Variants in PRRC2C observed in about 807,000 individuals in gnomAD.
The protein encoded by PRRC2C is protein PRRC2C.
PRRC2C carries 72 observed loss-of-function variants against 317.2 expected under a neutral mutation model. The ratio of observed to expected loss-of-function variants is 0.23; its 90% CI spans 0.19 to 0.28. The LOEUF (loss-of-function observed/expected upper bound fraction) is 0.28. Among genes scored for constraint, PRRC2C ranks in the 10% least tolerant of loss-of-function variants. The probability of loss-of-function intolerance (pLI) is 1.00; values close to 1 mark genes in which losing one functional copy is unlikely to be tolerated. For synonymous variants in PRRC2C, 1,296 were observed against 1,205.9 expected (o/e 1.07, Z -1.55); for missense variants, 3,074 against 3,459.7 (o/e 0.89, Z 2.80).
At position 171,587,184 on chromosome 1, in the gene PRRC2C, C is replaced by A; in HGVS notation, c.7931C>A (p.Ala2644Asp). ...VSQPFRGLIP[A>D]GTQHSMIATT... ...CAGCCTTTCAGAGGATTAATTCCTGCTGGAACACAGCATAGCATGATTGCA... is the reference window on the plus strand; with the variant it reads ...CAGCCTTTCAGAGGATTAATTCCTGATGGAACACAGCATAGCATGATTGCA... Residue 2644 changes from alanine to aspartate, a missense_variant, in exon 31 of 35, where the codon GCT becomes GAT. Transcript: ENST00000647382. 1 of 1,608,242 alleles carries A rather than the reference C, an allele frequency of 6.2e-7. No individual in the cohort carries two copies. The highest frequency in any genetic ancestry group is 8.5e-7 in the Non-Finnish European group (1 of 1,177,248).
At chr1:171,493,950 T>C (rs930578788) in intron 1 of PRRC2C, among the ~76,000 whole-genome samples, 12 of 152,242 alleles carry the variant, frequency 7.9e-5, no homozygotes, top group Non-Finnish European at 1.6e-4. Context: ...TTAAATCTTA[T>C]AATAGTATTG....
chr1:171,519,394 G>A (rs1673125115), intron 6 of PRRC2C, among the ~76,000 whole-genome samples: 1 of 152,158 alleles, frequency 6.6e-6, no homozygotes, highest in African/African-American at 2.4e-5. Context: ...CATTCGTTGA[G>A]ATTGGTTCAT....
chr1:171,487,909 A>C (rs554989912), intron 1 of PRRC2C, among the ~76,000 whole-genome samples: 1 of 152,116 alleles, frequency 6.6e-6, no homozygotes, highest in African/African-American at 2.4e-5. Flanking sequence ...TGATATGTCT[A>C]CTTATATGCA....
Position 171,532,793 on chromosome 1 carries a change from C to T in PRRC2C, c.1705C>T (p.Leu569=), listed in dbSNP as rs760921500. Residue 569 remains leucine, a synonymous_variant, in exon 12 of 35, where the codon CTA becomes TTA. Coordinates refer to ENST00000647382, the MANE Select transcript of PRRC2C (RefSeq NM_001387844.1). ...KERKQEKEKE[L]ERQKEKEKEL... ...AAGAAAGCAAGAAAAAGAAAAAGAA[C>T]TAGAACGGCAGAAAGAAAAGGAAAA... 8 of 1,559,176 alleles carry T rather than the reference C, an allele frequency of 5.1e-6. No individual in the cohort carries two copies. Among genetic ancestry groups the T allele is most frequent in the Non-Finnish European group, 6.1e-6 (7 of 1,155,324 alleles).
chr1:171,532,010 A>G (rs528611368), intron 11 of PRRC2C, among the ~76,000 whole-genome samples: 2 of 152,332 alleles, frequency 1.3e-5, no homozygotes, highest in Non-Finnish European at 1.5e-5. Context: ...TAAAGTATCC[A>G]TGCTAAATTT....
intron 34 of PRRC2C, 198 bp from the exon 35 acceptor site, chr1:171,591,389 T>TTTAAAA: frequency 1.7e-6 from 1 of 594,944 alleles, no homozygotes; most frequent in South Asian, 4.1e-5. Context: ...TTTTTTTTTT[T>TTTAAAA]AAATCACATG....
intron 1 of PRRC2C, among the ~76,000 whole-genome samples, chr1:171,507,724 C>T (rs1670528009): frequency 6.6e-6 from 1 of 152,152 alleles, no homozygotes; most frequent in Admixed American, 6.6e-5. Context: ...GGCACTGTTC[C>T]CCTCTGATCC....
intron 15 of PRRC2C, 90 bp downstream of exon 15, chr1:171,537,563 G>GCTTCAGTCCTAA: frequency 8.7e-7 from 1 of 1,152,116 alleles, no homozygotes; most frequent in Non-Finnish European, 1.2e-6. Flanking sequence ...TCCAATTTAG[G>GCTTCAGTCCTAA]ACTGAAGCAT....
At chr1:171,590,533 T>C (rs1044592629) in intron 34 of PRRC2C, among the ~76,000 whole-genome samples, 6 of 152,242 alleles carry the variant, frequency 3.9e-5, no homozygotes, top group Non-Finnish European at 8.8e-5. Context: ...TGCTTTACTC[T>C]GAATTAGAAA....
chr1:171,558,070 T>C lies in PRRC2C; in HGVS notation c.5958T>C (p.His1986=). The change falls in exon 19 of 35, where the codon CAT becomes CAC. Residue 1986 remains histidine, a synonymous_variant. Coordinates refer to ENST00000647382, the MANE Select transcript of PRRC2C (RefSeq NM_001387844.1). ...AATCCATCCAGACCCCACAGTCACA[T>C]GGCACTCTGACAGCTGAATTATGGG... ...SGKSIQTPQS[H]GTLTAELWDN... is the part of the protein sequence containing the mutation. 6.2e-7 allele frequency: 1 copy of C among 1,613,982 alleles called. No homozygotes were observed. The highest frequency in any genetic ancestry group is 1.1e-5 in the South Asian group (1 of 91,086).
At chr1:171,487,799 A>G (rs1036858320) in intron 1 of PRRC2C, among the ~76,000 whole-genome samples, 8 of 152,202 alleles carry the variant, frequency 5.3e-5, no homozygotes, top group Admixed American at 6.5e-5. Flanking sequence ...ATATTGGTAG[A>G]AGAAAATACT....
At chr1:171,587,580 A>G in intron 31 of PRRC2C, 68 bp from the exon 32 acceptor site, 1 of 1,080,526 alleles carries the variant, frequency 9.3e-7, no homozygotes. Flanking sequence ...CACGTATAGG[A>G]CATGTAAACA....
In PRRC2C at chr1:171,583,967, C is replaced by T; in HGVS notation, c.7421C>T (p.Ala2474Val). 1 of 1,613,386 alleles carries T rather than the reference C, an allele frequency of 6.2e-7. No individual in the cohort carries two copies. The highest frequency in any genetic ancestry group is 2.2e-5 in the East Asian group (1 of 44,870). Residue 2474 changes from alanine to valine, a missense_variant, in exon 29 of 35, where the codon GCT becomes GTT. Transcript: ENST00000647382. ...TAATCCTTATGTAGATCTCAGCCAG[C>T]TTTTATGCAAAGCAGTTTATCCCAG... ...SSLQPYRSQP[A>V]FMQSSLSQPS...
In PRRC2C at chr1:171,542,159, T is replaced by C; in HGVS notation, c.4693T>C (p.Ser1565Pro). ...NRRGNNGPPKSGRNFSGPRNE... is the reference protein window; with the variant it reads ...NRRGNNGPPKPGRNFSGPRNE... Reference sequence around the variant, plus strand: ...ACGTGGCAACAATGGTCCACCCAAATCAGGAAGGAATTTCTCAGGTCCTAG... The same window carrying C: ...ACGTGGCAACAATGGTCCACCCAAACCAGGAAGGAATTTCTCAGGTCCTAG... Residue 1565 changes from serine to proline, a missense_variant, in exon 16 of 35, where the codon TCA becomes CCA. Physicochemically the swap from Ser to Pro is moderately conservative, Grantham distance 74 (BLOSUM62 -1). Transcript: ENST00000647382. The C allele has an allele frequency of 1.2e-6, 2 of 1,606,512 alleles. No homozygotes were observed. Among genetic ancestry groups the C allele is most frequent in the African/African-American group, 2.7e-5 (2 of 74,594 alleles).
chr1:171,506,505 G>A (rs1670249431), intron 1 of PRRC2C, among the ~76,000 whole-genome samples: 1 of 151,172 alleles, frequency 6.6e-6, no homozygotes, highest in Non-Finnish European at 1.5e-5. Context: ...GTACCATTTT[G>A]GCCATTGTTT....
chr1:171,557,337 C>G lies in PRRC2C; in HGVS notation c.5225C>G (p.Ala1742Gly). The G allele has an allele frequency of 6.4e-7, 1 of 1,551,974 alleles. No homozygotes were observed. Among genetic ancestry groups the G allele is most frequent in the Non-Finnish European group, 8.7e-7 (1 of 1,147,034 alleles). ...AAACAGGCTACAGGGATCCAGCAAG[C>G]ACAGTCTTCAGCCTCAGTTCCACCT... The part of the protein sequence containing the change: ...AKKQATGIQQ[A>G]QSSASVPPLA... The change falls in exon 19 of 35, where the codon GCA (alanine) becomes GGA (glycine). Residue 1742 changes from alanine to glycine, a missense_variant. By Grantham distance (60) the Ala-to-Gly change is moderately conservative. Around this residue, in one of 11 missense-constraint regions of PRRC2C, gnomAD observed 640 missense variants for 676.1 expected, o/e 0.95. Coordinates refer to ENST00000647382, the MANE Select transcript of PRRC2C (RefSeq NM_001387844.1).
chr1:171,502,761 G>C (rs1425587770), intron 1 of PRRC2C, among the ~76,000 whole-genome samples: 2 of 152,098 alleles, frequency 1.3e-5, no homozygotes, highest in Non-Finnish European at 1.5e-5. Context: ...GTTTTGCTCC[G>C]TACACAGGCT....
intron 1 of PRRC2C, among the ~76,000 whole-genome samples, chr1:171,496,068 T>C (rs981474873): frequency 6.6e-6 from 1 of 151,846 alleles, no homozygotes; most frequent in Non-Finnish European, 1.5e-5. Context: ...TCTAATTACC[T>C]CACCAAGGCC....
At chr1:171,577,755 A>C in intron 26 of PRRC2C, 118 bp downstream of exon 26, 2 of 728,020 alleles carry the variant, frequency 2.7e-6, no homozygotes, top group Non-Finnish European at 4.3e-6. Flanking sequence ...ACATTGCTGT[A>C]AATATTTAAA....
Sources: gnomAD v4.1 joint callset for allele counts (sites outside exome capture counted in the v4.1 genomes callset) on GRCh38, gnomAD v4.1.1 for gene constraint, gnomAD v4.1.1 regional missense constraint, MANE v1.5 for transcripts, NCBI Gene and HGNC (gene_info 2026-07-23, HGNC 2026-07-21) for gene names.